The following TBXAS1 variants were observed in gnomAD, a reference collection of about 807,000 sequenced individuals.
The protein encoded by TBXAS1 is thromboxane A synthase 1, also known as thromboxane-A synthase.
In TBXAS1, 48 loss-of-function variants were observed where a neutral mutation model predicts 60.7. That is an observed-to-expected ratio of 0.79 (90% CI 0.63 to 1.01). The LOEUF is 1.01. Ranked by LOEUF, TBXAS1 falls within the 50% of genes least tolerant of loss-of-function variation. The pLI is 0.00. For synonymous variants in TBXAS1, 287 were observed against 269.7 expected (o/e 1.06, Z -0.63); for missense variants, 685 against 686.3 (o/e 1.00, Z 0.02).
intron 4 of TBXAS1, among the ~76,000 whole-genome samples, chr7:139,808,470 A>C (rs988568680): frequency 1.3e-5 from 2 of 152,138 alleles, no homozygotes; most frequent in African/African-American, 4.8e-5. Context: ...TTTATTTTTA[A>C]TATAATTTAT....
chr7:139,867,825 A>T (rs372029415), intron 1 of TBXAS1, among the ~76,000 whole-genome samples: 12 of 120,474 alleles, frequency 1.0e-4, no homozygotes, highest in African/African-American at 1.9e-4. Flanking sequence ...TCGAAAATAA[A>T]TAATAAATAA....
rs1461050269 is a variant in TBXAS1, at chr7:139,785,998, A to G, written c.-168-1340A>G. On this transcript the variant is annotated intron_variant, in intron 3 of 16. Coordinates refer to the TBXAS1 transcript ENST00000336425. Reference sequence around the variant, plus strand: ...ATTTATCCTTTATTCTCCCCAAAGCATATTTTAGGTCTGTTTCTGCTGCAT... The same window carrying G: ...ATTTATCCTTTATTCTCCCCAAAGCGTATTTTAGGTCTGTTTCTGCTGCAT... Among the ~76,000 whole-genome samples the G allele has an allele frequency of 3.4e-5, 5 of 148,206 alleles. No individual in the cohort carries two copies. The South Asian group carries it at 6.5e-4, about 19-fold the overall frequency.
intron 1 of TBXAS1, among the ~76,000 whole-genome samples, chr7:139,845,225 C>G (rs1799718180): frequency 6.6e-6 from 1 of 152,150 alleles, no homozygotes; most frequent in Non-Finnish European, 1.5e-5. Flanking sequence ...GCTCACTGCT[C>G]CTCTGCATAA....
At chr7:139,973,347 C>G (rs1811344127) in intron 9 of TBXAS1, among the ~76,000 whole-genome samples, 1 of 152,158 alleles carries the variant, frequency 6.6e-6, no homozygotes, top group African/African-American at 2.4e-5. Context: ...TAGCTTCTGC[C>G]TGGGGGCTGC....
chr7:139,920,902 A>G (rs971284908), intron 4 of TBXAS1, among the ~76,000 whole-genome samples: 6 of 152,144 alleles, frequency 3.9e-5, no homozygotes, highest in African/African-American at 1.2e-4. Context: ...GCGTGTGCTC[A>G]ATGAAGGTTC....
At chr7:139,997,597 T>G (rs1166996083) in intron 9 of TBXAS1, among the ~76,000 whole-genome samples, 1 of 152,112 alleles carries the variant, frequency 6.6e-6, no homozygotes, top group Non-Finnish European at 1.5e-5. Flanking sequence ...AATAAATAAC[T>G]CAGCTCCCAA....
chr7:139,857,705 TG>T (rs1344822857), intron 1 of TBXAS1, among the ~76,000 whole-genome samples: 2 of 151,712 alleles, frequency 1.3e-5, no homozygotes, highest in African/African-American at 4.9e-5. Context: ...TGGGATTGGC[TG>T]GCTGGATTTT....
In TBXAS1 at chr7:139,852,707, T is replaced by C. The variant is rs1800300166; in HGVS notation, c.90-19528T>C. Among the ~76,000 whole-genome samples, 1 of 152,298 alleles carries C rather than the reference T, an allele frequency of 6.6e-6. No individual in the cohort carries two copies. Among genetic ancestry groups the C allele is most frequent in the African/African-American group, 2.4e-5 (1 of 41,554 alleles). On this transcript the variant is annotated intron_variant, in intron 1 of 12. Transcript: ENST00000448866. The surrounding 1 kb of genome is among the most constrained non-coding windows in gnomAD (Gnocchi z 4.4). ...TTTGAGTTACCCAAGCTCTTTAAACTGTCTGCCAAGCTCAAAGGCAAAATT... is the reference window on the plus strand; with the variant it reads ...TTTGAGTTACCCAAGCTCTTTAAACCGTCTGCCAAGCTCAAAGGCAAAATT...
At chr7:139,998,992 A>G (rs1417043526) in intron 9 of TBXAS1, among the ~76,000 whole-genome samples, 2 of 152,222 alleles carry the variant, frequency 1.3e-5, no homozygotes, top group Non-Finnish European at 2.9e-5. Context: ...GATGAATTTC[A>G]ACATCTAAAT....
intron 1 of TBXAS1, among the ~76,000 whole-genome samples, chr7:139,854,407 C>T (rs901636576): frequency 6.6e-6 from 1 of 152,100 alleles, no homozygotes; most frequent in Non-Finnish European, 1.5e-5. Context: ...AGTGCTTGAA[C>T]TGAAAGTGAC....
chr7:139,887,830 C>G (rs1488311781), intron 3 of TBXAS1, among the ~76,000 whole-genome samples: 1 of 152,164 alleles, frequency 6.6e-6, no homozygotes, highest in Admixed American at 6.5e-5. Flanking sequence ...CTATTTTTAG[C>G]TCTTTGAAGA....
rs183470593 is a variant in TBXAS1, at chr7:139,978,514, A to C, written c.1134+16281A>C. On this transcript the variant is annotated intron_variant, in intron 9 of 12. Transcript: ENST00000448866. Reference sequence around the variant, plus strand: ...GACAGAGTGAGACTCTGTCTCAAAAAAAAAAAGAAAGAAAAAAGAAATAAA... The same window carrying C: ...GACAGAGTGAGACTCTGTCTCAAAACAAAAAAGAAAGAAAAAAGAAATAAA... Among the ~76,000 whole-genome samples the C allele has an allele frequency of 3.8e-3, 576 of 152,138 alleles. 3 individuals carry two copies. Among genetic ancestry groups the C allele is most frequent in the Non-Finnish European group, 6.0e-3 (408 of 67,980 alleles).
intron 3 of TBXAS1, among the ~76,000 whole-genome samples, chr7:139,895,369 A>G (rs894449251): frequency 6.6e-6 from 1 of 152,198 alleles, no homozygotes; most frequent in Non-Finnish European, 1.5e-5. Flanking sequence ...GCTTAAAGCC[A>G]TGTCTTGCAG....
intron 4 of TBXAS1, among the ~76,000 whole-genome samples, chr7:139,921,174 C>A (rs1386168143): frequency 6.6e-6 from 1 of 151,960 alleles, no homozygotes; most frequent in East Asian, 1.9e-4. Context: ...TATGTGACAC[C>A]ACCCAGATCA....
chr7:139,985,841 G>A (rs1812415239), intron 9 of TBXAS1, among the ~76,000 whole-genome samples: 4 of 152,166 alleles, frequency 2.6e-5, no homozygotes, highest in Admixed American at 2.0e-4. Context: ...TTACAGACTC[G>A]GGTGCCACTT....
intron 4 of TBXAS1, among the ~76,000 whole-genome samples, chr7:139,811,986 C>A (rs1354757855): frequency 6.6e-6 from 1 of 152,148 alleles, no homozygotes. Context: ...TAAATCCGGG[C>A]CTCAATGTCT....
upstream of TBXAS1, among the ~76,000 whole-genome samples, chr7:139,828,207 T>C (rs913080444): frequency 6.6e-5 from 10 of 152,224 alleles, no homozygotes; most frequent in South Asian, 4.1e-4. Context: ...CTTTGTTGAA[T>C]TGGGTTAATT....
At chr7:139,996,941 C>A (rs1014890672) in intron 9 of TBXAS1, among the ~76,000 whole-genome samples, 1 of 152,216 alleles carries the variant, frequency 6.6e-6, no homozygotes, top group Non-Finnish European at 1.5e-5. Context: ...TGGACTATTG[C>A]AAGAACCTCC....
chr7:139,856,099 G>C (rs1800564817), intron 1 of TBXAS1, among the ~76,000 whole-genome samples: 1 of 152,192 alleles, frequency 6.6e-6, no homozygotes, highest in African/African-American at 2.4e-5. Flanking sequence ...ATCCCCCAAT[G>C]AGGACAACGT....
Sources: allele counts gnomAD v4.1 joint callset (sites outside exome capture counted in the v4.1 genomes callset), GRCh38; gene constraint gnomAD v4.1.1; non-coding constraint Gnocchi (gnomAD v3.1); transcripts MANE v1.5; gene names NCBI Gene and HGNC (gene_info 2026-07-23, HGNC 2026-07-21).